The following MIB1 variants were observed in gnomAD, a reference collection of about 807,000 sequenced individuals.
MIB1 encodes E3 ubiquitin-protein ligase MIB1.
In MIB1, 278 loss-of-function variants were observed where a neutral mutation model predicts 124.5. The ratio of observed to expected loss-of-function variants is 2.23; its 90% CI spans 2.02 to 2.47. The LOEUF (loss-of-function observed/expected upper bound fraction) is 2.47, where lower values mean the gene tolerates loss of function less well. Among genes scored for constraint, MIB1 ranks in the 30% most tolerant of loss-of-function variants. The probability of loss-of-function intolerance (pLI) is 0.00; values close to 1 mark genes in which losing one functional copy is unlikely to be tolerated. For missense variants in MIB1, 957 were observed against 1,254.4 expected (o/e 0.76, Z 3.58); for synonymous variants, 446 against 429.4 (o/e 1.04, Z -0.48).
At chr18:21,731,733 CAAAAAA>C (rs1229088832) in intron 1 of MIB1, among the ~76,000 whole-genome samples, 5 of 35,896 alleles carry the variant, frequency 1.4e-4, no homozygotes, top group Non-Finnish European at 2.5e-4. Context: ...CCCCGTCTCA[CAAAAAA>C]AAAAAAAAAA....
chr18:21,831,324 T>A (rs1383394562), intron 12 of MIB1: 1 of 151,012 alleles, frequency 6.6e-6, no homozygotes, highest in Non-Finnish European at 1.5e-5. Flanking sequence ...GAAGCTACCT[T>A]GTCACATCCA....
At chr18:21,852,705 G>C (rs6508645) in intron 17 of MIB1, among the ~76,000 whole-genome samples, 1 of 152,184 alleles carries the variant, frequency 6.6e-6, no homozygotes, top group Non-Finnish European at 1.5e-5. Flanking sequence ...AAAATCCCTC[G>C]TGGATTTTAG....
At chr18:21,808,251 G>C (rs2041730874) in intron 10 of MIB1, among the ~76,000 whole-genome samples, 1 of 152,120 alleles carries the variant, frequency 6.6e-6, no homozygotes, top group Admixed American at 6.5e-5. Flanking sequence ...GCATTAGGAA[G>C]TAGGCTCAAG....
At chr18:21,715,268 C>G (rs1246696329) in intron 1 of MIB1, among the ~76,000 whole-genome samples, 1 of 152,138 alleles carries the variant, frequency 6.6e-6, no homozygotes, top group Non-Finnish European at 1.5e-5. Context: ...AGATAACAGT[C>G]AGTACAGCTT....
intron 10 of MIB1, among the ~76,000 whole-genome samples, chr18:21,814,392 A>G (rs1161094763): frequency 6.7e-6 from 1 of 149,572 alleles, no homozygotes; most frequent in African/African-American, 2.5e-5. Flanking sequence ...TTTTTTTTTC[A>G]ATCACACAAC....
Position 21,741,878 on chromosome 18 carries a change from C to A in MIB1, c.229+66C>A. 1 of 1,401,478 alleles carries A rather than the reference C, an allele frequency of 7.1e-7. No individual in the cohort carries two copies. The highest frequency in any genetic ancestry group is 1.4e-5 in the South Asian group (1 of 72,846). The allele number at this position is 1,401,478 out of a possible 1,614,324, so 86.8% of individuals were successfully genotyped here. Reference sequence around the variant, plus strand: ...GGAAGGGGCGAGCTGCGGTGGGCGTCGGTGTCGCGGGGAGAGGTCTGCAGT... The same window carrying A: ...GGAAGGGGCGAGCTGCGGTGGGCGTAGGTGTCGCGGGGAGAGGTCTGCAGT... On this transcript the variant is annotated intron_variant, in intron 1 of 20. Coordinates refer to ENST00000261537, the MANE Select transcript of MIB1 (RefSeq NM_020774.4). The surrounding 1 kb of genome is among the most constrained non-coding windows in gnomAD (Gnocchi z 5.4).
chr18:21,787,863 T>C (rs748400839), intron 6 of MIB1, among the ~76,000 whole-genome samples: 1 of 151,974 alleles, frequency 6.6e-6, no homozygotes, highest in Non-Finnish European at 1.5e-5. Flanking sequence ...CTAATCCTTA[T>C]CAGCGGTATA....
At chr18:21,773,339 A>G (rs1304886528) in intron 3 of MIB1, among the ~76,000 whole-genome samples, 4 of 152,232 alleles carry the variant, frequency 2.6e-5, no homozygotes, top group East Asian at 1.9e-4. Flanking sequence ...TAAATTTTCT[A>G]TCAAATTCTA....
At chr18:21,825,169 T>C (rs557473631) in intron 12 of MIB1, among the ~76,000 whole-genome samples, 2 of 152,284 alleles carry the variant, frequency 1.3e-5, no homozygotes, top group South Asian at 4.1e-4. Context: ...ACAGTTATCA[T>C]CTTTTTCACC....
intron 1 of MIB1, among the ~76,000 whole-genome samples, chr18:21,735,104 C>G (rs1410452515): frequency 6.6e-6 from 1 of 152,150 alleles, no homozygotes; most frequent in African/African-American, 2.4e-5. Context: ...GCAAGGTGGC[C>G]AAATAGGAAC....
At chr18:21,787,915 T>C (rs2041455768) in intron 6 of MIB1, among the ~76,000 whole-genome samples, 2 of 152,254 alleles carry the variant, frequency 1.3e-5, no homozygotes, top group Admixed American at 1.3e-4. Flanking sequence ...TTTAACATAC[T>C]ACTCCCTTTA....
intron 1 of MIB1, among the ~76,000 whole-genome samples, chr18:21,757,313 G>C (rs925638040): frequency 1.3e-5 from 2 of 151,190 alleles, no homozygotes. Context: ...TTAGCCGGTT[G>C]TGGTGGCACA....
chr18:21,846,840 A>G, intron 15 of MIB1, 104 bp from the exon 16 acceptor site: 1 of 1,081,400 alleles, frequency 9.2e-7, no homozygotes, highest in Non-Finnish European at 1.4e-6. Flanking sequence ...GAACATTAGG[A>G]CTAGAACTCA....
intron 10 of MIB1, among the ~76,000 whole-genome samples, chr18:21,811,211 C>A (rs2041769746): frequency 6.6e-6 from 1 of 152,034 alleles, no homozygotes; most frequent in Non-Finnish European, 1.5e-5. Context: ...ATCAAAACAA[C>A]CAGAAAAAAC....
At chr18:21,759,447 T>G (rs1190047958) in intron 1 of MIB1, among the ~76,000 whole-genome samples, 3 of 151,964 alleles carry the variant, frequency 2.0e-5, no homozygotes, top group African/African-American at 7.3e-5. Flanking sequence ...TTCACCATGT[T>G]GGCCAGGCTG....
chr18:21,838,157 A>G (rs1231968119), intron 12 of MIB1, among the ~76,000 whole-genome samples: 2 of 152,170 alleles, frequency 1.3e-5, no homozygotes, highest in Non-Finnish European at 2.9e-5. Flanking sequence ...GTCTCTGTCA[A>G]GGCCAGCCTG....
Position 21,867,756 on chromosome 18 carries a change from C to G in MIB1, c.*3090C>G, listed in dbSNP as rs573816647. Reference sequence around the variant, plus strand: ...GATGTGTCTGGTTCAAATATCAAAACTTGCTGGGTCATTTTTACATAGTAG... The same window carrying G: ...GATGTGTCTGGTTCAAATATCAAAAGTTGCTGGGTCATTTTTACATAGTAG... On this transcript the variant is annotated 3_prime_UTR_variant, in exon 21 of 21. Transcript: ENST00000261537. The G allele has an allele frequency of 6.6e-6, 1 of 152,590 alleles. No individual in the cohort carries two copies. Among genetic ancestry groups the G allele is most frequent in the South Asian group, 2.1e-4 (1 of 4,818 alleles). 9.5% of individuals were successfully genotyped at this position (152,590 alleles called of 1,614,324 possible).
chr18:21,850,984 A>G (rs956456098), intron 17 of MIB1, among the ~76,000 whole-genome samples: 1 of 152,184 alleles, frequency 6.6e-6, no homozygotes, highest in Non-Finnish European at 1.5e-5. Flanking sequence ...AAAGATGTAT[A>G]TAATAATTAC....
Position 21,869,251 on chromosome 18 carries a change from T to C in MIB1, c.*4585T>C, listed in dbSNP as rs1442956109. 6.6e-6 allele frequency: 1 copy of C among 152,434 alleles called. No individual in the cohort carries two copies. The highest frequency in any genetic ancestry group is 2.4e-5 in the African/African-American group (1 of 41,448). 9.4% of individuals were successfully genotyped at this position (152,434 alleles called of 1,614,324 possible). A position where few individuals can be genotyped will look rare whatever the true frequency, so the allele number is the denominator to read the frequency against. On this transcript the variant is annotated 3_prime_UTR_variant, in exon 21 of 21. Coordinates refer to ENST00000261537, the MANE Select transcript of MIB1 (RefSeq NM_020774.4). Reference sequence around the variant, plus strand: ...CATGATTTGTTTCATAAACCCAGCTTATTTCCTCCAAAAAGCAAAATGGTC... The same window carrying C: ...CATGATTTGTTTCATAAACCCAGCTCATTTCCTCCAAAAAGCAAAATGGTC...
Sources: gnomAD v4.1 joint callset for allele counts (sites outside exome capture counted in the v4.1 genomes callset) on GRCh38, gnomAD v4.1.1 for gene constraint, Gnocchi (gnomAD v3.1) non-coding constraint, MANE v1.5 for transcripts, NCBI Gene and HGNC (gene_info 2026-07-23, HGNC 2026-07-21) for gene names.